ERGIC1: variants seen among roughly 807,000 people sequenced by gnomAD.
The protein encoded by ERGIC1 is endoplasmic reticulum-Golgi intermediate compartment protein 1.
A neutral mutation model predicts 38.3 loss-of-function variants in ERGIC1; 19 were observed. The ratio of observed to expected loss-of-function variants is 0.50; its 90% CI spans 0.35 to 0.73. ERGIC1 has a LOEUF of 0.73. Ranked by LOEUF, ERGIC1 falls within the 30% of genes least tolerant of loss-of-function variation. ERGIC1 has a pLI of 0.01. For synonymous variants in ERGIC1, 124 were observed against 157.6 expected, an observed-to-expected ratio of 0.79 and a Z score of 1.60; for missense variants, 294 against 389.2, an observed-to-expected ratio of 0.76 and a Z score of 2.06.
At chr5:172,913,455 A>G (rs28655946) in intron 4 of ERGIC1, among the ~76,000 whole-genome samples, 36,792 of 152,188 alleles carry the variant, frequency 0.24, 4,779 homozygotes, top group South Asian at 0.31. Flanking sequence ...GGCATTTCCC[A>G]TGTCCTGTGG....
At chr5:172,944,200 C>T (rs1373840533) in intron 9 of ERGIC1, among the ~76,000 whole-genome samples, 2 of 152,214 alleles carry the variant, frequency 1.3e-5, no homozygotes, top group Non-Finnish European at 2.9e-5. Context: ...CTCCCTGGCT[C>T]AGTGACCCTG....
In ERGIC1 at chr5:172,846,760, G is replaced by T. The variant is rs1761290306; in HGVS notation, c.20+12327G>T. 6.6e-6 allele frequency among the ~76,000 whole-genome samples: 1 copy of T among 152,180 alleles called. No individual in the cohort carries two copies. Among genetic ancestry groups the T allele is most frequent in the South Asian group, 2.1e-4 (1 of 4,826 alleles). ...AAGTCCCTTACAGTAGACAGTGGTG[G>T]GCCTGTCTGGAGCTCATTGCTGTGG... is the stretch of plus-strand genomic sequence containing the variant. On this transcript the variant is annotated intron_variant, in intron 1 of 9. Transcript: ENST00000393784. This position sits in a 1 kb window ranked among gnomAD's most constrained non-coding sequence, Gnocchi z 4.0.
intron 7 of ERGIC1, among the ~76,000 whole-genome samples, chr5:172,931,510 C>T (rs1308224183): frequency 2.0e-5 from 3 of 152,184 alleles, no homozygotes; most frequent in Non-Finnish European, 4.4e-5. Context: ...ACTGATCTGC[C>T]GTTGATTTCT....
chr5:172,890,274 C>A (rs991593509), intron 2 of ERGIC1, among the ~76,000 whole-genome samples: 1 of 152,156 alleles, frequency 6.6e-6, no homozygotes, highest in Admixed American at 6.5e-5. Context: ...TTGGCCAGTA[C>A]TCTTCAAACA....
At chr5:172,836,855 G>T (rs73323161) in intron 1 of ERGIC1, among the ~76,000 whole-genome samples, 176 of 152,320 alleles carry the variant, frequency 1.2e-3, no homozygotes, top group African/African-American at 3.8e-3. Flanking sequence ...CTTGTCACCT[G>T]AGAGAGGGAG....
chr5:172,880,875 C>A (rs1032537710), intron 1 of ERGIC1, among the ~76,000 whole-genome samples: 2 of 152,346 alleles, frequency 1.3e-5, no homozygotes, highest in Admixed American at 6.5e-5. Flanking sequence ...ATTCCCTTGA[C>A]CCCTGGCATC....
intron 1 of ERGIC1, among the ~76,000 whole-genome samples, chr5:172,855,857 TCA>T: frequency 6.6e-6 from 1 of 152,322 alleles, no homozygotes; most frequent in South Asian, 2.1e-4. Flanking sequence ...AGCCTGTGCT[TCA>T]GAGGCTGGCC....
In ERGIC1 at chr5:172,952,263, T is replaced by G. The variant is rs932486819; in HGVS notation, c.*1447T>G. The G allele has an allele frequency of 1.3e-5, 2 of 152,200 alleles. No homozygotes were observed. The highest frequency in any genetic ancestry group is 2.1e-4 in the South Asian group (1 of 4,828). The allele number at this position is 152,200 out of a possible 1,614,324, so 9.4% of individuals were successfully genotyped here. A position where few individuals can be genotyped will look rare whatever the true frequency, so the allele number is the denominator to read the frequency against. On this transcript the variant is annotated 3_prime_UTR_variant, in exon 10 of 10. Coordinates refer to ENST00000393784, the MANE Select transcript of ERGIC1 (RefSeq NM_001031711.3). ...GCTCAAGTCTCTGCCATTTGTAATT[T>G]TTGGCTCTAAGCTCCGATTGGAGAC...
At position 172,951,032 on chromosome 5, in the gene ERGIC1, C is replaced by T. The variant is rs1764219130; in HGVS notation, c.*216C>T. 2.3e-5 allele frequency: 11 copies of T among 485,102 alleles called. No homozygotes were observed. The highest frequency in any genetic ancestry group is 3.7e-5 in the Non-Finnish European group (10 of 273,400). 30.0% of individuals were successfully genotyped at this position (485,102 alleles called of 1,614,324 possible). ...AATTACACTGCCTGAAGTTGCAGTT[C>T]CCCTTTCCCTGGGGAGCCCCAAGAA... On this transcript the variant is annotated 3_prime_UTR_variant, in exon 10 of 10. Transcript: ENST00000393784.
At chr5:172,871,695 T>G (rs1762014493) in intron 1 of ERGIC1, among the ~76,000 whole-genome samples, 1 of 151,452 alleles carries the variant, frequency 6.6e-6, no homozygotes. Flanking sequence ...AGAGAGGGGG[T>G]GATGCAGACA....
At chr5:172,891,717 G>C (rs1232731454) in intron 2 of ERGIC1, among the ~76,000 whole-genome samples, 1 of 152,184 alleles carries the variant, frequency 6.6e-6, no homozygotes, top group Non-Finnish European at 1.5e-5. Flanking sequence ...TGGGATTCCA[G>C]GCATGAGCCA....
chr5:172,877,453 TA>T, intron 1 of ERGIC1, among the ~76,000 whole-genome samples: 1 of 127,050 alleles, frequency 7.9e-6, no homozygotes, highest in Non-Finnish European at 1.7e-5. Flanking sequence ...TATATATATA[TA>T]TATATTTTTT....
chr5:172,858,855 A>C (rs1761624844), intron 1 of ERGIC1, among the ~76,000 whole-genome samples: 1 of 152,188 alleles, frequency 6.6e-6, no homozygotes. Context: ...GCCAAAGTCC[A>C]TGCTTCCCTG....
intron 2 of ERGIC1, among the ~76,000 whole-genome samples, chr5:172,893,444 G>A (rs1422576173): frequency 1.3e-5 from 2 of 152,002 alleles, no homozygotes; most frequent in Non-Finnish European, 2.9e-5. Flanking sequence ...CACCATGCCC[G>A]GCAACACTCC....
At chr5:172,948,343 T>A (rs968776062) in intron 9 of ERGIC1, among the ~76,000 whole-genome samples, 1 of 152,244 alleles carries the variant, frequency 6.6e-6, no homozygotes, top group Non-Finnish European at 1.5e-5. Flanking sequence ...CCTCTCGCCT[T>A]TGCTATGTCT....
chr5:172,895,566 C>G (rs114480859), intron 2 of ERGIC1, among the ~76,000 whole-genome samples: 1,535 of 152,230 alleles, frequency 0.01, 20 homozygotes, highest in Middle Eastern at 0.024. Flanking sequence ...ATTTGTCTTT[C>G]TGGATATCAG....
At chr5:172,891,165 G>A (rs929159020) in intron 2 of ERGIC1, among the ~76,000 whole-genome samples, 5 of 152,148 alleles carry the variant, frequency 3.3e-5, no homozygotes, top group African/African-American at 9.7e-5. Flanking sequence ...CTGTCCTCCC[G>A]GAGCCTGCAA....
intron 1 of ERGIC1, among the ~76,000 whole-genome samples, chr5:172,866,385 T>G (rs1302369337): frequency 6.6e-6 from 1 of 152,192 alleles, no homozygotes; most frequent in Non-Finnish European, 1.5e-5. Flanking sequence ...ACCGTGCCCC[T>G]CTTTCTGGCC....
intron 1 of ERGIC1, among the ~76,000 whole-genome samples, chr5:172,873,607 A>C (rs1485546449): frequency 6.6e-6 from 1 of 152,206 alleles, no homozygotes; most frequent in East Asian, 1.9e-4. Context: ...CCCAGGGCCC[A>C]GTGGGGAGCT....
Sources: gnomAD v4.1 joint callset for allele counts (sites outside exome capture counted in the v4.1 genomes callset) on GRCh38, gnomAD v4.1.1 for gene constraint, Gnocchi (gnomAD v3.1) non-coding constraint, MANE v1.5 for transcripts, NCBI Gene and HGNC (gene_info 2026-07-23, HGNC 2026-07-21) for gene names.